The following ZBTB7C variants were observed in gnomAD, a reference collection of about 807,000 sequenced individuals.
The protein encoded by ZBTB7C is zinc finger and BTB domain-containing protein 7C.
A neutral mutation model predicts 25.7 loss-of-function variants in ZBTB7C; 8 were observed. The ratio of observed to expected loss-of-function variants is 0.31; its 90% CI spans 0.18 to 0.56. The LOEUF is 0.56. Among genes scored for constraint, ZBTB7C ranks in the 20% least tolerant of loss-of-function variants. The pLI is 0.91. For missense variants in ZBTB7C, 824 were observed against 855.2 expected (o/e 0.96, Z 0.46); for synonymous variants, 394 against 369.0 (o/e 1.07, Z -0.78).
intron 3 of ZBTB7C, among the ~76,000 whole-genome samples, chr18:48,138,417 G>A (rs542788081): frequency 6.6e-6 from 1 of 152,320 alleles, no homozygotes; most frequent in South Asian, 2.1e-4. Context: ...CAGGAAGGCA[G>A]GAAAGGTCGG....
rs139011974 is a variant in ZBTB7C at position 48,291,516 on chromosome 18, T to C, written c.-79+46658A>G. Among the ~76,000 whole-genome samples, 106 of 152,208 alleles carry C rather than the reference T, an allele frequency of 7.0e-4. 2 individuals carry two copies. In the East Asian group the frequency reaches 0.018, roughly 25 times the overall value. On this transcript the variant is annotated intron_variant, in intron 2 of 4. Transcript: ENST00000590800. ...GAAACCTACCTGAGAGCCACGCTCT[T>C]GAAACCCACAGGGAGCCCAGGCCTG...
At chr18:48,249,435 T>C (rs1367821467) in intron 2 of ZBTB7C, among the ~76,000 whole-genome samples, 1 of 152,202 alleles carries the variant, frequency 6.6e-6, no homozygotes, top group African/African-American at 2.4e-5. Context: ...GCCATTAAAA[T>C]GGTAATTATG....
chr18:48,162,809 G>C (rs1232388991), intron 3 of ZBTB7C, among the ~76,000 whole-genome samples: 1 of 152,220 alleles, frequency 6.6e-6, no homozygotes, highest in Non-Finnish European at 1.5e-5. Context: ...ACACAATAGT[G>C]CCTCTCAGTA....
intron 3 of ZBTB7C, among the ~76,000 whole-genome samples, chr18:48,054,038 G>A (rs1242642831): frequency 6.6e-6 from 1 of 152,210 alleles, no homozygotes; most frequent in African/African-American, 2.4e-5. Flanking sequence ...TTGCGGTGCT[G>A]GGTTCAAAGA....
chr18:48,094,040 C>G (rs530776009), intron 3 of ZBTB7C, among the ~76,000 whole-genome samples: 2 of 152,288 alleles, frequency 1.3e-5, no homozygotes, highest in African/African-American at 4.8e-5. Context: ...GCCTGGGCGA[C>G]AGAGCGAGAC....
At chr18:48,246,988 T>C (rs1348171102) in intron 2 of ZBTB7C, among the ~76,000 whole-genome samples, 1 of 152,194 alleles carries the variant, frequency 6.6e-6, no homozygotes, top group East Asian at 1.9e-4. Context: ...CATGACAAAG[T>C]GGGATTACCC....
chr18:48,122,137 A>G (rs1480676262), intron 3 of ZBTB7C, among the ~76,000 whole-genome samples: 2 of 152,182 alleles, frequency 1.3e-5, no homozygotes, highest in Non-Finnish European at 2.9e-5. Flanking sequence ...CTCAGAGGCT[A>G]TGGAAACTGA....
chr18:48,196,388 A>G lies in ZBTB7C; in HGVS notation c.-78-10393T>C, dbSNP rs187107440. ...AACTTTACAGCTTTAGTAACAGACA[A>G]CAGCCAAATGCACCACTCTCCCAGA... is the stretch of plus-strand genomic sequence containing the variant. On this transcript the variant is annotated intron_variant, in intron 2 of 4. Coordinates refer to ENST00000590800, the MANE Select transcript of ZBTB7C (RefSeq NM_001318841.2). 9.2e-5 allele frequency among the ~76,000 whole-genome samples: 14 copies of G among 152,298 alleles called. No individual in the cohort carries two copies. The East Asian group carries it at 2.5e-3, about 27-fold the overall frequency.
chr18:48,227,928 G>A (rs1470768452), intron 2 of ZBTB7C, among the ~76,000 whole-genome samples: 1 of 152,170 alleles, frequency 6.6e-6, no homozygotes, highest in Non-Finnish European at 1.5e-5. Context: ...ACACTAAAGA[G>A]CATAACTTCT....
At chr18:48,126,068 A>G (rs1301820185) in intron 3 of ZBTB7C, among the ~76,000 whole-genome samples, 1 of 152,140 alleles carries the variant, frequency 6.6e-6, no homozygotes, top group African/African-American at 2.4e-5. Flanking sequence ...ATCATTTTTT[A>G]TATCATTTGA....
At chr18:48,189,359 G>T (rs745997716) in intron 2 of ZBTB7C, among the ~76,000 whole-genome samples, 7 of 151,852 alleles carry the variant, frequency 4.6e-5, no homozygotes, top group Non-Finnish European at 8.8e-5. Flanking sequence ...TTTTTTCTAT[G>T]CCCTGGATTT....
intron 1 of ZBTB7C, among the ~76,000 whole-genome samples, chr18:48,356,475 C>T (rs1221655535): frequency 6.6e-6 from 1 of 152,210 alleles, no homozygotes; most frequent in Non-Finnish European, 1.5e-5. Flanking sequence ...CCCAACTGTG[C>T]TACGGGCTTT....
chr18:48,069,673 C>T (rs964023685), intron 3 of ZBTB7C, among the ~76,000 whole-genome samples: 1 of 151,696 alleles, frequency 6.6e-6, no homozygotes, highest in Admixed American at 6.6e-5. Flanking sequence ...TGTGCTATAT[C>T]TACATAATCT....
At chr18:48,065,648 C>T (rs2037301788) in intron 3 of ZBTB7C, among the ~76,000 whole-genome samples, 1 of 152,176 alleles carries the variant, frequency 6.6e-6, no homozygotes, top group African/African-American at 2.4e-5. Flanking sequence ...GGCAAAGCCA[C>T]TGGTTGGGAA....
At chr18:48,115,308 G>A (rs1355687650) in intron 3 of ZBTB7C, among the ~76,000 whole-genome samples, 1 of 151,966 alleles carries the variant, frequency 6.6e-6, no homozygotes, top group African/African-American at 2.4e-5. Context: ...GAGTGCAGTG[G>A]CACGATCTTG....
intron 3 of ZBTB7C, among the ~76,000 whole-genome samples, chr18:48,042,495 C>T (rs905959333): frequency 3.3e-5 from 5 of 152,196 alleles, no homozygotes; most frequent in African/African-American, 4.8e-5. Flanking sequence ...TTCTGGAGAT[C>T]CTTACACATT....
intron 4 of ZBTB7C, among the ~76,000 whole-genome samples, chr18:48,030,766 C>T (rs528351529): frequency 2.6e-5 from 4 of 152,332 alleles, no homozygotes; most frequent in East Asian, 3.9e-4. Flanking sequence ...GACATCAATT[C>T]TCATTGTCCA....
At chr18:48,170,231 A>G (rs1048148867) in intron 3 of ZBTB7C, among the ~76,000 whole-genome samples, 21 of 152,332 alleles carry the variant, frequency 1.4e-4, no homozygotes, top group African/African-American at 4.6e-4. Flanking sequence ...TACTGTGCTG[A>G]ATGATGGGCA....
chr18:48,236,428 G>A (rs1188064018), intron 2 of ZBTB7C, among the ~76,000 whole-genome samples: 1 of 152,154 alleles, frequency 6.6e-6, no homozygotes, highest in African/African-American at 2.4e-5. Flanking sequence ...TGAACCCTAG[G>A]GAAACGGATA....
Sources: allele counts gnomAD v4.1 joint callset (sites outside exome capture counted in the v4.1 genomes callset), GRCh38; gene constraint gnomAD v4.1.1; transcripts MANE v1.5; gene names NCBI Gene and HGNC (gene_info 2026-07-23, HGNC 2026-07-21).